The following CBLN2 variants were observed in gnomAD, a reference collection of about 807,000 sequenced individuals.
CBLN2 encodes the protein cerebellin-2.
Under a neutral mutation model 15.0 loss-of-function variants are expected in CBLN2, and 7 were observed. That is an observed-to-expected ratio of 0.47 (90% CI 0.27 to 0.88). CBLN2 has a LOEUF of 0.88. Ranked by LOEUF, CBLN2 falls within the 40% of genes least tolerant of loss-of-function variation. The pLI is 0.14. For synonymous variants in CBLN2, 149 were observed against 135.2 expected (o/e 1.10, Z -0.71); for missense variants, 242 against 304.5 (o/e 0.79, Z 1.53).
At chr18:72,566,606 A>C (rs2144900478) in intron 1 of CBLN2, among the ~76,000 whole-genome samples, 1 of 152,280 alleles carries the variant, frequency 6.6e-6, no homozygotes, top group Middle Eastern at 3.4e-3. Context: ...AAAAAGGTCG[A>C]TCTCATAGAA....
chr18:72,550,016 C>T (rs1011345670), intron 1 of CBLN2, among the ~76,000 whole-genome samples: 1 of 152,228 alleles, frequency 6.6e-6, no homozygotes, highest in South Asian at 2.1e-4. Flanking sequence ...AACTGGTAGA[C>T]GTAGAAAGCC....
At chr18:72,599,452 T>G (rs2069533842) in intron 1 of CBLN2, among the ~76,000 whole-genome samples, 1 of 152,210 alleles carries the variant, frequency 6.6e-6, no homozygotes, top group Admixed American at 6.5e-5. Context: ...AATGTGTATA[T>G]AAAGGATATA....
chr18:72,556,914 C>T (rs1458383639), intron 1 of CBLN2, among the ~76,000 whole-genome samples: 3 of 151,916 alleles, frequency 2.0e-5, no homozygotes, highest in Non-Finnish European at 2.9e-5. Context: ...GAAAAAAGAA[C>T]CAAATTATAT....
intron 1 of CBLN2, among the ~76,000 whole-genome samples, chr18:72,575,603 T>C (rs1394211870): frequency 1.3e-5 from 2 of 152,078 alleles, no homozygotes; most frequent in East Asian, 3.9e-4. Flanking sequence ...AGAGCCCCTG[T>C]TTCAGAGGGC....
intron 1 of CBLN2, among the ~76,000 whole-genome samples, chr18:72,600,066 CT>C (rs2069538166): frequency 6.6e-6 from 1 of 152,188 alleles, no homozygotes; most frequent in African/African-American, 2.4e-5. Flanking sequence ...TGCAGAAGCA[CT>C]TGTGGCCACA....
intron 1 of CBLN2, among the ~76,000 whole-genome samples, chr18:72,565,647 A>G (rs929232055): frequency 1.3e-5 from 2 of 152,186 alleles, no homozygotes; most frequent in African/African-American, 4.8e-5. Context: ...TTACACAAAT[A>G]AGAAAGAGAA....
intron 1 of CBLN2, among the ~76,000 whole-genome samples, chr18:72,608,754 C>G (rs1298827448): frequency 6.6e-6 from 1 of 152,162 alleles, no homozygotes; most frequent in Non-Finnish European, 1.5e-5. Flanking sequence ...TGTTCTTATG[C>G]TGCTAATAAA....
At chr18:72,581,224 G>T (rs1398752280) in intron 1 of CBLN2, among the ~76,000 whole-genome samples, 1 of 152,080 alleles carries the variant, frequency 6.6e-6, no homozygotes, top group Non-Finnish European at 1.5e-5. Context: ...TTTTTAACGT[G>T]TGTCAGAATA....
chr18:72,606,923 G>A (rs184710615), intron 1 of CBLN2, among the ~76,000 whole-genome samples: 2 of 152,334 alleles, frequency 1.3e-5, no homozygotes, highest in African/African-American at 2.4e-5. Flanking sequence ...ATGTCTCCCT[G>A]TTGGAGGTAG....
chr18:72,617,059 A>G (rs756828153), intron 1 of CBLN2, among the ~76,000 whole-genome samples: 3 of 152,170 alleles, frequency 2.0e-5, no homozygotes, highest in Non-Finnish European at 2.9e-5. Context: ...TTGAACTTCA[A>G]ATACTTTCCC....
At position 72,544,156 on chromosome 18, in the gene CBLN2, A is replaced by T. The variant is rs2144871740; in HGVS notation, c.-391T>A. The stretch of plus-strand genomic sequence containing the variant: ...CAGGAGCGAAAAAAACAATAAGTTA[A>T]AAAAAAAAAAAAGAAGAAGAAGACT... On this transcript the variant is annotated 5_prime_UTR_variant, in exon 1 of 5. Transcript: ENST00000269503. 7.7e-6 allele frequency: 1 copy of T among 130,122 alleles called. No homozygotes were observed. Among genetic ancestry groups the T allele is most frequent in the East Asian group, 7.9e-4 (1 of 1,270 alleles). 8.1% of individuals were successfully genotyped at this position (130,122 alleles called of 1,614,324 possible). A position where few individuals can be genotyped will look rare whatever the true frequency, so the allele number is the denominator to read the frequency against.
intron 1 of CBLN2, among the ~76,000 whole-genome samples, chr18:72,565,416 G>A (rs1420349172): frequency 6.6e-6 from 1 of 152,078 alleles, no homozygotes; most frequent in Non-Finnish European, 1.5e-5. Flanking sequence ...TAGTATGAAG[G>A]TTAAAAATAA....
At chr18:72,591,589 T>A (rs2069480112) in intron 1 of CBLN2, among the ~76,000 whole-genome samples, 1 of 152,134 alleles carries the variant, frequency 6.6e-6, no homozygotes, top group African/African-American at 2.4e-5. Context: ...AACTACTAGA[T>A]CCTGCTCATT....
At position 72,538,350 on chromosome 18, in the gene CBLN2, G is replaced by A; in HGVS notation, c.501C>T (p.Tyr167=). The A allele has an allele frequency of 4.3e-6, 7 of 1,614,056 alleles. No individual in the cohort carries two copies. The highest frequency in any genetic ancestry group is 5.9e-6 in the Non-Finnish European group (7 of 1,180,026). ...CTCCTGCAAAGGCCGAGATCACTGGGTAGCCATTCTGCATTAAACTGACCT... is the reference window on the plus strand; with the variant it reads ...CTCCTGCAAAGGCCGAGATCACTGGATAGCCATTCTGCATTAAACTGACCT... The part of the protein sequence containing the change: ...TIQVSLMQNG[Y]PVISAFAGDQ... Residue 167 remains tyrosine, a synonymous_variant, in exon 5 of 5, where the codon TAC becomes TAT. Coordinates refer to ENST00000269503, the MANE Select transcript of CBLN2 (RefSeq NM_182511.4).
At chr18:72,626,289 T>C (rs1353194126) in intron 1 of CBLN2, among the ~76,000 whole-genome samples, 1 of 152,090 alleles carries the variant, frequency 6.6e-6, no homozygotes, top group South Asian at 2.1e-4. Context: ...GTAGGGACAA[T>C]GTCATAAAAA....
chr18:72,595,286 A>C (rs1171536161), intron 1 of CBLN2, among the ~76,000 whole-genome samples: 2 of 152,006 alleles, frequency 1.3e-5, no homozygotes, highest in Non-Finnish European at 2.9e-5. Context: ...TTTTATTGAC[A>C]ACTGGTCATT....
chr18:72,541,784 T>G lies in CBLN2; in HGVS notation c.357+20A>C. The G allele has an allele frequency of 6.6e-7, 1 of 1,504,594 alleles. No individual in the cohort carries two copies. Among genetic ancestry groups the G allele is most frequent in the Non-Finnish European group, 8.9e-7 (1 of 1,127,604 alleles). 93.2% of individuals were successfully genotyped at this position (1,504,594 alleles called of 1,614,324 possible). On this transcript the variant is annotated intron_variant, in intron 3 of 4. Transcript: ENST00000269503. ...CCCTCTCCCCGGGCTGGGGGCGGGG[T>G]GGGCAGGCCGACGGCTGACCTGGTC...
At chr18:72,592,676 G>A (rs563047359) in intron 1 of CBLN2, among the ~76,000 whole-genome samples, 1 of 152,212 alleles carries the variant, frequency 6.6e-6, no homozygotes, top group African/African-American at 2.4e-5. Flanking sequence ...TGTATATGGT[G>A]AGAGATAGGG....
intron 1 of CBLN2, among the ~76,000 whole-genome samples, chr18:72,583,736 T>C (rs1599010325): frequency 6.6e-6 from 1 of 152,322 alleles, no homozygotes; most frequent in East Asian, 1.9e-4. Context: ...ATAGTAATAA[T>C]GAAATGTAAT....
Sources: allele counts gnomAD v4.1 joint callset (sites outside exome capture counted in the v4.1 genomes callset), GRCh38; gene constraint gnomAD v4.1.1; transcripts MANE v1.5; gene names NCBI Gene and HGNC (gene_info 2026-07-23, HGNC 2026-07-21).